Variants in PLS1 observed in about 807,000 individuals in gnomAD.
The protein encoded by PLS1 is plastin-1.
PLS1 carries 32 observed loss-of-function variants against 73.7 expected under a neutral mutation model. The ratio of observed to expected loss-of-function variants is 0.43; its 90% CI spans 0.33 to 0.58. The LOEUF is 0.58. Ranked by LOEUF, PLS1 falls within the 20% of genes least tolerant of loss-of-function variation. The probability of loss-of-function intolerance (pLI) is 0.04; values close to 1 mark genes in which losing one functional copy is unlikely to be tolerated. For synonymous variants in PLS1, 217 were observed against 261.3 expected, an observed-to-expected ratio of 0.83 and a Z score of 1.63; for missense variants, 633 against 740.5, an observed-to-expected ratio of 0.85 and a Z score of 1.68.
chr3:142,622,994 C>G (rs2036345564), intron 1 of PLS1, among the ~76,000 whole-genome samples: 1 of 152,102 alleles, frequency 6.6e-6, no homozygotes, highest in South Asian at 2.1e-4. Context: ...ATTGCCCAGA[C>G]TGGAGTGCAG....
intron 1 of PLS1, among the ~76,000 whole-genome samples, chr3:142,596,963 G>T (rs1384676380): frequency 1.3e-5 from 2 of 152,116 alleles, no homozygotes; most frequent in Non-Finnish European, 2.9e-5. Flanking sequence ...CTTTCCTGGA[G>T]CATAGGGACC....
At chr3:142,681,073 A>G (rs984804648) in intron 6 of PLS1, among the ~76,000 whole-genome samples, 3 of 152,188 alleles carry the variant, frequency 2.0e-5, no homozygotes, top group South Asian at 2.1e-4. Flanking sequence ...TCTATAGACT[A>G]TTACCCCCTG....
rs577953147 is a variant in PLS1, at chr3:142,708,307, C to T, written c.1630-3194C>T. On this transcript the variant is annotated intron_variant, in intron 14 of 15. Transcript: ENST00000457734. ...TGTCACCCAGCCTGGAGTGCAGTGG[C>T]GCGATCTCAGCTCACTCCAACCTCT... 7.9e-5 allele frequency among the ~76,000 whole-genome samples: 12 copies of T among 152,226 alleles called. No homozygotes were observed. In the East Asian group the frequency reaches 1.2e-3, roughly 15 times the overall value.
intron 1 of PLS1, among the ~76,000 whole-genome samples, chr3:142,615,598 G>C (rs148259933): frequency 6.6e-6 from 1 of 152,080 alleles, no homozygotes; most frequent in Admixed American, 6.5e-5. Flanking sequence ...GCCTGGGCCC[G>C]TGTCCAAATG....
At position 142,685,762 on chromosome 3, in the gene PLS1, A is replaced by T. The variant is rs571743565; in HGVS notation, c.889-522A>T. Among the ~76,000 whole-genome samples the T allele has an allele frequency of 2.6e-5, 4 of 152,346 alleles. No homozygotes were observed. In the South Asian group the frequency reaches 8.3e-4, roughly 32 times the overall value. On this transcript the variant is annotated intron_variant, in intron 8 of 15. Coordinates refer to ENST00000457734, the MANE Select transcript of PLS1 (RefSeq NM_001145319.2). ...TAACGTGAATCATAAGGCCTGTCCA[A>T]ATTAAAGAGGACAGGAAATAGCTTC...
intron 6 of PLS1, among the ~76,000 whole-genome samples, chr3:142,681,096 G>A (rs2037843261): frequency 1.3e-5 from 2 of 152,112 alleles, no homozygotes; most frequent in Admixed American, 1.3e-4. Flanking sequence ...TATTTTGGAA[G>A]TGTGCTATCT....
chr3:142,679,270 T>C (rs1274822607), intron 6 of PLS1, among the ~76,000 whole-genome samples: 2 of 151,356 alleles, frequency 1.3e-5, no homozygotes, highest in African/African-American at 4.9e-5. Flanking sequence ...AGAAGCTCTT[T>C]AGTTTAATTA....
At chr3:142,707,832 G>A (rs2038496641) in intron 14 of PLS1, among the ~76,000 whole-genome samples, 2 of 152,186 alleles carry the variant, frequency 1.3e-5, no homozygotes, top group African/African-American at 4.8e-5. Flanking sequence ...TAAGGGGGGA[G>A]TGTGGGACCA....
intron 8 of PLS1, among the ~76,000 whole-genome samples, chr3:142,684,943 T>C (rs1422539090): frequency 6.6e-6 from 1 of 152,220 alleles, no homozygotes; most frequent in Non-Finnish European, 1.5e-5. Flanking sequence ...CAACTTTCCC[T>C]TGGTTACTGC....
chr3:142,616,967 C>A (rs1402595284), intron 1 of PLS1, among the ~76,000 whole-genome samples: 1 of 152,080 alleles, frequency 6.6e-6, no homozygotes, highest in East Asian at 1.9e-4. Context: ...TGCTTTGTAA[C>A]CTTGAGTAGG....
At chr3:142,632,944 A>G (rs1426336025) in intron 1 of PLS1, among the ~76,000 whole-genome samples, 1 of 152,204 alleles carries the variant, frequency 6.6e-6, no homozygotes, top group African/African-American at 2.4e-5. Context: ...TGTTCATTGC[A>G]TCATTAGTCA....
intron 2 of PLS1, among the ~76,000 whole-genome samples, chr3:142,664,661 CTAACAA>C (rs1412828887): frequency 6.6e-6 from 1 of 152,160 alleles, no homozygotes; most frequent in African/African-American, 2.4e-5. Flanking sequence ...CATCTTTGCA[CTAACAA>C]TAACACTTTC....
In PLS1 at chr3:142,703,913, A is replaced by C; in HGVS notation, c.1417A>C (p.Lys473Gln). Residue 473 changes from lysine (K) to glutamine (Q), a missense_variant, in exon 13 of 16, where the codon AAA (lysine) becomes CAA (glutamine). By Grantham distance (53) the Lys-to-Gln change is moderately conservative. Coordinates refer to ENST00000457734, the MANE Select transcript of PLS1 (RefSeq NM_001145319.2). ...AGTGGAACTTGGGAAGAACAAGGCC[A>C]AATTCTCCTTGGTTGGCATTGCTGG... ...YAVELGKNKA[K>Q]FSLVGIAGQD... The C allele has an allele frequency of 6.2e-7, 1 of 1,612,816 alleles. No homozygotes were observed. Among genetic ancestry groups the C allele is most frequent in the Admixed American group, 1.7e-5 (1 of 60,024 alleles).
At chr3:142,601,153 C>T (rs1279257344) in intron 1 of PLS1, among the ~76,000 whole-genome samples, 1 of 150,256 alleles carries the variant, frequency 6.7e-6, no homozygotes, top group Non-Finnish European at 1.5e-5. Context: ...TCTCGATCTC[C>T]TGACCTCGTG....
chr3:142,674,092 T>G (rs2037668822), intron 4 of PLS1, among the ~76,000 whole-genome samples: 2 of 152,346 alleles, frequency 1.3e-5, no homozygotes, highest in African/African-American at 4.8e-5. Context: ...TAACTAAAAG[T>G]GATTGCTTCT....
chr3:142,652,394 A>G (rs1421736040), intron 1 of PLS1, among the ~76,000 whole-genome samples: 1 of 152,230 alleles, frequency 6.6e-6, no homozygotes, highest in African/African-American at 2.4e-5. Context: ...CACCTTTTAT[A>G]TATACTTTTA....
intron 1 of PLS1, among the ~76,000 whole-genome samples, chr3:142,650,211 CTTTTTTT>C (rs1171297517): frequency 2.5e-4 from 18 of 70,906 alleles, no homozygotes; most frequent in African/African-American, 3.4e-4. Context: ...GCTTCTTCTT[CTTTTTTT>C]TTTTTTTTTT....
At chr3:142,622,638 A>G (rs1294173040) in intron 1 of PLS1, among the ~76,000 whole-genome samples, 2 of 152,194 alleles carry the variant, frequency 1.3e-5, no homozygotes, top group Non-Finnish European at 2.9e-5. Flanking sequence ...TTCCCTTCAG[A>G]TAATTAACCA....
chr3:142,604,964 T>A (rs1467965435), intron 1 of PLS1, among the ~76,000 whole-genome samples: 1 of 151,740 alleles, frequency 6.6e-6, no homozygotes, highest in South Asian at 2.1e-4. Context: ...AAGATTATTA[T>A]CAGTGGAAAA....
Sources: gnomAD v4.1 joint callset for allele counts (sites outside exome capture counted in the v4.1 genomes callset) on GRCh38, gnomAD v4.1.1 for gene constraint, MANE v1.5 for transcripts, NCBI Gene and HGNC (gene_info 2026-07-23, HGNC 2026-07-21) for gene names.